ITIH5: variants seen among roughly 807,000 people sequenced by gnomAD.
ITIH5 encodes the protein inter-alpha-trypsin inhibitor heavy chain 5, also known as inter-alpha-trypsin inhibitor heavy chain H5.
ITIH5 carries 65 observed loss-of-function variants against 77.5 expected under a neutral mutation model. That is an observed-to-expected ratio of 0.84 (90% confidence interval 0.69 to 1.03). The LOEUF (loss-of-function observed/expected upper bound fraction) is 1.03. Ranked by LOEUF, ITIH5 falls within the 50% of genes least tolerant of loss-of-function variation. The probability of loss-of-function intolerance (pLI) is 0.00; values close to 1 mark genes in which losing one functional copy is unlikely to be tolerated. For missense variants in ITIH5, 1,208 were observed against 1,213.1 expected (o/e 1.00, Z 0.06); for synonymous variants, 525 against 494.3 (o/e 1.06, Z -0.82).
Position 7,568,019 on chromosome 10 carries a change from C to G in ITIH5, c.2150-1612G>C, listed in dbSNP as rs146855538. On this transcript the variant is annotated intron_variant, in intron 12 of 13. Transcript: ENST00000397146. ...TGAAATAGAACTCCTTTTTTTTCTT[C>G]ATCATTATGAACATCACTGGGGCTT... Among the ~76,000 whole-genome samples, 805 of 151,802 alleles carry G rather than the reference C, an allele frequency of 5.3e-3. 2 individuals are homozygous for G. The highest frequency in any genetic ancestry group is 8.8e-3 in the Admixed American group (134 of 15,278).
rs141079410 is a variant in ITIH5 at position 7,567,482 on chromosome 10, G to A, written c.2150-1075C>T. On this transcript the variant is annotated intron_variant, in intron 12 of 13. Coordinates refer to ENST00000397146, the MANE Select transcript of ITIH5 (RefSeq NM_030569.7). ...TAGGTATATCTCCTCATGCTATCCC[G>A]CCCCCCTACCCTGACCCCACGACAG... Among the ~76,000 whole-genome samples, 157 of 137,696 alleles carry A rather than the reference G, an allele frequency of 1.1e-3. 6 individuals are homozygous for A. The East Asian group carries it at 0.032, about 28-fold the overall frequency. 90.3% of individuals were successfully genotyped at this position (137,696 alleles called of 152,430 possible).
In ITIH5 at chr10:7,563,260, G is replaced by T. The variant is rs1832073855; in HGVS notation, c.2652C>A (p.His884Gln). The stretch of plus-strand genomic sequence containing the variant: ...TTTGCTTCCAGACCACTGGGACTTG[G>T]TGGCCTTTCACTGTTAGGACGGCCT... ...GPEAVLTVKG[H>Q]QVPVVWKQRK... Residue 884 changes from histidine to glutamine, a missense_variant, in exon 14 of 14, where the codon CAC (histidine) becomes CAA (glutamine). By Grantham distance (24) the His-to-Gln change is conservative (BLOSUM62 0). Coordinates refer to ENST00000397146, the MANE Select transcript of ITIH5 (RefSeq NM_030569.7). 4 of 1,614,092 alleles carry T rather than the reference G, an allele frequency of 2.5e-6. No homozygotes were observed. The highest frequency in any genetic ancestry group is 2.2e-5 in the East Asian group (1 of 44,898).
chr10:7,637,116 G>A, intron 5 of ITIH5, 112 bp downstream of exon 5: 1 of 1,318,592 alleles, frequency 7.6e-7, no homozygotes. Context: ...CTACAAAAAT[G>A]CAAAGGCTTT....
At chr10:7,607,379 G>A (rs1245448784) in intron 7 of ITIH5, among the ~76,000 whole-genome samples, 1 of 152,240 alleles carries the variant, frequency 6.6e-6, no homozygotes, top group Non-Finnish European at 1.5e-5. Context: ...GGGCGTGGTG[G>A]CTCATTCCTG....
intron 1 of ITIH5, 41 bp from the exon 2 acceptor site, chr10:7,655,716 A>G (rs778359350): frequency 9.5e-6 from 14 of 1,471,406 alleles, no homozygotes; most frequent in Non-Finnish European, 1.2e-5. Context: ...GATTTTTAAA[A>G]GAGAAGAGAC....
intron 7 of ITIH5, chr10:7,600,423 ATC>A (rs1002542793): frequency 4.8e-6 from 2 of 414,886 alleles, no homozygotes; most frequent in African/African-American, 4.1e-5. Context: ...TCTCCTGAAC[ATC>A]TCTGAGCACT....
At chr10:7,610,424 A>C (rs1394064068) in intron 7 of ITIH5, among the ~76,000 whole-genome samples, 1 of 152,186 alleles carries the variant, frequency 6.6e-6, no homozygotes, top group African/African-American at 2.4e-5. Context: ...GCTTTTTCTA[A>C]ATCAATAGTT....
Position 7,561,992 on chromosome 10 carries a change from G to C in ITIH5, c.*1091C>G, listed in dbSNP as rs1045181524. On this transcript the variant is annotated 3_prime_UTR_variant, in exon 14 of 14. Coordinates refer to ENST00000397146, the MANE Select transcript of ITIH5 (RefSeq NM_030569.7). ...TCCTTAAGGCATCAGGTTTGTCCAA[G>C]TTTTGGAACCAAAGCCCCTGTCCAC... 1 of 152,152 alleles carries C rather than the reference G, an allele frequency of 6.6e-6. No individual in the cohort carries two copies. Among genetic ancestry groups the C allele is most frequent in the Non-Finnish European group, 1.5e-5 (1 of 68,044 alleles). The allele number at this position is 152,152 out of a possible 1,614,324, so 9.4% of individuals were successfully genotyped here. A position where few individuals can be genotyped will look rare whatever the true frequency, so the allele number is the denominator to read the frequency against.
intron 11 of ITIH5, chr10:7,570,068 G>A: frequency 4.2e-6 from 1 of 236,982 alleles, no homozygotes; most frequent in Admixed American, 5.4e-5. Context: ...ACTAAGCTTT[G>A]AGAGGTGAGA....
rs74791204 is a variant in ITIH5, at chr10:7,619,618, A to G, written c.653-2336T>C. The G allele has an allele frequency of 6.6e-4, 258 of 392,674 alleles. 1 individual carries two copies. The highest frequency in any genetic ancestry group is 4.7e-3 in the African/African-American group (232 of 48,854). 24.3% of individuals were successfully genotyped at this position (392,674 alleles called of 1,614,324 possible). A position where few individuals can be genotyped will look rare whatever the true frequency, so the allele number is the denominator to read the frequency against. On this transcript the variant is annotated intron_variant, in intron 5 of 13. Coordinates refer to ENST00000397146, the MANE Select transcript of ITIH5 (RefSeq NM_030569.7). ...CTGGGGAAGCCTCGGGAAACTTACA[A>G]TCACGCAGAAGGCAAACGCAAAGCG...
chr10:7,594,758 G>A (rs1832861630), intron 7 of ITIH5, among the ~76,000 whole-genome samples: 2 of 152,192 alleles, frequency 1.3e-5, no homozygotes, highest in Non-Finnish European at 2.9e-5. Flanking sequence ...TAGGGTCACT[G>A]CCTGACAACT....
At chr10:7,575,609 A>G (rs1342253338) in intron 10 of ITIH5, among the ~76,000 whole-genome samples, 1 of 152,218 alleles carries the variant, frequency 6.6e-6, no homozygotes, top group African/African-American at 2.4e-5. Context: ...TCCCCGCAGC[A>G]GAATGGCACC....
intron 2 of ITIH5, among the ~76,000 whole-genome samples, chr10:7,649,474 G>C (rs1365959690): frequency 1.3e-5 from 2 of 152,040 alleles, no homozygotes; most frequent in African/African-American, 4.8e-5. Context: ...TAAAGAGATA[G>C]GGGATATAGG....
chr10:7,627,526 A>G (rs1833603837), intron 5 of ITIH5, among the ~76,000 whole-genome samples: 2 of 152,080 alleles, frequency 1.3e-5, no homozygotes, highest in South Asian at 4.1e-4. Flanking sequence ...ATAAAGCTGT[A>G]TTTTCAGTGG....
intron 7 of ITIH5, among the ~76,000 whole-genome samples, chr10:7,606,987 G>C (rs1833138906): frequency 6.6e-6 from 1 of 152,072 alleles, no homozygotes; most frequent in Non-Finnish European, 1.5e-5. Flanking sequence ...CTCATATTCT[G>C]AGTCAGAGAC....
chr10:7,586,550 G>T (rs1488583393), intron 7 of ITIH5, among the ~76,000 whole-genome samples: 1 of 152,182 alleles, frequency 6.6e-6, no homozygotes, highest in Non-Finnish European at 1.5e-5. Context: ...GATGATGATT[G>T]TTTTATCTCC....
chr10:7,633,275 CAG>C (rs1351844636), intron 5 of ITIH5, among the ~76,000 whole-genome samples: 1 of 152,042 alleles, frequency 6.6e-6, no homozygotes, highest in African/African-American at 2.4e-5. Context: ...TTTTAATAAA[CAG>C]AAATTATAAT....
intron 1 of ITIH5, among the ~76,000 whole-genome samples, chr10:7,664,206 C>T (rs1442792425): frequency 1.3e-5 from 2 of 152,032 alleles, no homozygotes; most frequent in Non-Finnish European, 2.9e-5. Flanking sequence ...TTGAGACCAG[C>T]CTGGCCAACG....
intron 5 of ITIH5, among the ~76,000 whole-genome samples, chr10:7,629,965 T>C (rs1322157979): frequency 6.6e-6 from 1 of 152,220 alleles, no homozygotes; most frequent in Non-Finnish European, 1.5e-5. Flanking sequence ...TGAATTTGAA[T>C]GTATTGGGGG....
Sources: allele counts gnomAD v4.1 joint callset (sites outside exome capture counted in the v4.1 genomes callset), GRCh38; gene constraint gnomAD v4.1.1; transcripts MANE v1.5; gene names NCBI Gene and HGNC (gene_info 2026-07-23, HGNC 2026-07-21).